The following TXNDC16 variants were observed in gnomAD, a reference collection of about 807,000 sequenced individuals.
TXNDC16 encodes the protein thioredoxin domain containing 16.
TXNDC16 carries 74 observed loss-of-function variants against 85.6 expected under a neutral mutation model. The ratio of observed to expected loss-of-function variants is 0.86; its 90% CI spans 0.72 to 1.05. The LOEUF is 1.05. TXNDC16 is among the 50% of genes least tolerant of loss of function. The pLI, the probability that TXNDC16 is intolerant of heterozygous loss-of-function variation, is 0.00. For synonymous variants in TXNDC16, 335 were observed against 326.5 expected, an observed-to-expected ratio of 1.03 and a Z score of -0.28; for missense variants, 959 against 947.0, an observed-to-expected ratio of 1.01 and a Z score of -0.17.
chr14:52,504,912 G>C lies in TXNDC16; in HGVS notation c.756+6328C>G, dbSNP rs1430241333. On this transcript the variant is annotated intron_variant, in intron 9 of 20. Transcript: ENST00000281741. ...AAATGGAAAACAAAAAAAGGCAGGG[G>C]TTGCAATCCTAGACTCTGATAAAAC... 7.2e-5 allele frequency among the ~76,000 whole-genome samples: 11 copies of C among 152,094 alleles called. No individual in the cohort carries two copies. The East Asian group carries it at 1.7e-3, about 24-fold the overall frequency.
At chr14:52,445,126 T>A (rs192947293) in intron 18 of TXNDC16, among the ~76,000 whole-genome samples, 1 of 152,164 alleles carries the variant, frequency 6.6e-6, no homozygotes, top group African/African-American at 2.4e-5. Flanking sequence ...GATTATAATT[T>A]TCTTCTTTAT....
chr14:52,531,653 G>A (rs1278798440), intron 6 of TXNDC16, among the ~76,000 whole-genome samples: 1 of 152,168 alleles, frequency 6.6e-6, no homozygotes, highest in Non-Finnish European at 1.5e-5. Context: ...TTGTAGGGGA[G>A]AGAGGAAGGG....
chr14:52,479,237 C>T (rs1301875915), intron 14 of TXNDC16, among the ~76,000 whole-genome samples: 2 of 152,080 alleles, frequency 1.3e-5, no homozygotes, highest in Non-Finnish European at 2.9e-5. Context: ...GAAAGTATTC[C>T]TTCTGAGAAC....
chr14:52,510,572 G>A (rs1417369924), intron 9 of TXNDC16, among the ~76,000 whole-genome samples: 2 of 152,102 alleles, frequency 1.3e-5, no homozygotes, highest in Non-Finnish European at 2.9e-5. Context: ...CTGAGTAGAC[G>A]GATTAAGTGA....
intron 9 of TXNDC16, among the ~76,000 whole-genome samples, chr14:52,508,142 G>A (rs2036859496): frequency 6.6e-6 from 1 of 152,072 alleles, no homozygotes. Context: ...TACAGAATGG[G>A]AGAAAATTTT....
In TXNDC16 at chr14:52,436,745, G is replaced by A. The variant is rs535878986; in HGVS notation, c.2194+2459C>T. ...TGAAATACATACAAATATACATAAT[G>A]GTAGATTCATACTATACCTGATAGT... On this transcript the variant is annotated intron_variant, in intron 20 of 20. Coordinates refer to ENST00000281741, the MANE Select transcript of TXNDC16 (RefSeq NM_020784.3). Among the ~76,000 whole-genome samples, 3 of 152,118 alleles carry A rather than the reference G, an allele frequency of 2.0e-5. No homozygotes were observed. The East Asian group carries it at 5.8e-4, about 29-fold the overall frequency.
chr14:52,551,734 G>T (rs925336570), intron 1 of TXNDC16, among the ~76,000 whole-genome samples: 1 of 151,926 alleles, frequency 6.6e-6, no homozygotes, highest in Admixed American at 6.6e-5. Flanking sequence ...GTTCTTCACA[G>T]CAGTAACACA....
chr14:52,499,900 T>C (rs1193513308), intron 9 of TXNDC16, among the ~76,000 whole-genome samples: 1 of 152,190 alleles, frequency 6.6e-6, no homozygotes, highest in East Asian at 1.9e-4. Context: ...TCAAATACAA[T>C]GTAAATACTA....
intron 9 of TXNDC16, among the ~76,000 whole-genome samples, chr14:52,498,197 A>G (rs764926404): frequency 1.1e-4 from 17 of 152,198 alleles, no homozygotes; most frequent in Non-Finnish European, 2.1e-4. Context: ...ATCATATTCA[A>G]TGGTTAAAAA....
At chr14:52,490,348 T>C in intron 11 of TXNDC16, 43 bp downstream of exon 11, 1 of 1,398,224 alleles carries the variant, frequency 7.2e-7, no homozygotes, top group Non-Finnish European at 9.7e-7. Flanking sequence ...TTAGCTTTCT[T>C]TAAATAAACA....
chr14:52,485,046 T>A (rs1217931617), intron 12 of TXNDC16, among the ~76,000 whole-genome samples: 4 of 152,212 alleles, frequency 2.6e-5, no homozygotes, highest in Non-Finnish European at 5.9e-5. Context: ...CAGCCTCAGG[T>A]AGGTCTTCAG....
chr14:52,466,807 C>T (rs952823922), intron 16 of TXNDC16, among the ~76,000 whole-genome samples: 1 of 151,970 alleles, frequency 6.6e-6, no homozygotes, highest in African/African-American at 2.4e-5. Context: ...GCGGAGCTTG[C>T]AGTGAGCCGA....
chr14:52,525,535 C>CAAA (rs397853370), intron 6 of TXNDC16, among the ~76,000 whole-genome samples: 5 of 136,138 alleles, frequency 3.7e-5, no homozygotes, highest in African/African-American at 1.3e-4. Flanking sequence ...ACTAAAAATA[C>CAAA]AAAAAAAAAA....
intron 9 of TXNDC16, among the ~76,000 whole-genome samples, chr14:52,501,924 TCCA>T (rs1238131179): frequency 6.6e-6 from 1 of 152,188 alleles, no homozygotes; most frequent in Non-Finnish European, 1.5e-5. Context: ...TCTTCCTAAT[TCCA>T]CCGGGGTAAG....
At chr14:52,501,774 A>G (rs758648304) in intron 9 of TXNDC16, among the ~76,000 whole-genome samples, 32 of 152,222 alleles carry the variant, frequency 2.1e-4, no homozygotes, top group Non-Finnish European at 3.8e-4. Flanking sequence ...GGTGTTTCCT[A>G]TAAAAGTGTT....
At chr14:52,529,889 T>C (rs1461393409) in intron 6 of TXNDC16, among the ~76,000 whole-genome samples, 1 of 101,644 alleles carries the variant, frequency 9.8e-6, no homozygotes, top group Non-Finnish European at 1.7e-5. Context: ...ATATATGAAT[T>C]ATATATTATA....
chr14:52,485,026 C>A lies in TXNDC16; in HGVS notation c.1109-2061G>T, dbSNP rs143953012. ...CCTTTCACTTATAAAATAAAAAGTT[C>A]ACTGTAAAACAGCCTCAGGTAGGTC... On this transcript the variant is annotated intron_variant, in intron 12 of 20. Coordinates refer to ENST00000281741, the MANE Select transcript of TXNDC16 (RefSeq NM_020784.3). Among the ~76,000 whole-genome samples the A allele has an allele frequency of 2.2e-3, 340 of 152,234 alleles. 2 individuals carry two copies. Among genetic ancestry groups the A allele is most frequent in the African/African-American group, 7.9e-3 (329 of 41,546 alleles).
chr14:52,470,619 C>T lies in TXNDC16; in HGVS notation c.1374G>A (p.Lys458=). The change falls in exon 15 of 21, where the codon AAG becomes AAA. Residue 458 remains lysine (K), a synonymous_variant. Transcript: ENST00000281741. ...TGATAGGAAATTCAGTAACATTTTG[C>T]TTAGTACATACATCAGACCAATCTG... ...NCADWSDVCT[K]QNVTEFPIIK... 2 of 1,613,884 alleles carry T rather than the reference C, an allele frequency of 1.2e-6. No homozygotes were observed. Among genetic ancestry groups the T allele is most frequent in the Non-Finnish European group, 1.7e-6 (2 of 1,179,914 alleles).
intron 16 of TXNDC16, among the ~76,000 whole-genome samples, chr14:52,458,592 A>T (rs1037726): frequency 0.013 from 2,037 of 152,274 alleles, 45 homozygotes; most frequent in African/African-American, 0.046. Context: ...AAATTTATTA[A>T]AATATTTTTT....
Sources: gnomAD v4.1 joint callset for allele counts (sites outside exome capture counted in the v4.1 genomes callset) on GRCh38, gnomAD v4.1.1 for gene constraint, MANE v1.5 for transcripts, NCBI Gene and HGNC (gene_info 2026-07-23, HGNC 2026-07-21) for gene names.